The following KLHL1 variants were observed in gnomAD, a reference collection of about 807,000 sequenced individuals.
KLHL1 encodes the protein kelch-like protein 1.
In KLHL1, 47 loss-of-function variants were observed where a neutral mutation model predicts 77.7. The ratio of observed to expected loss-of-function variants is 0.60; its 90% confidence interval spans 0.48 to 0.77. KLHL1 has a LOEUF of 0.77. Ranked by LOEUF, KLHL1 falls within the 30% of genes least tolerant of loss-of-function variation. The pLI is 0.00. For synonymous variants in KLHL1, 360 were observed against 325.2 expected (o/e 1.11, Z -1.15); for missense variants, 925 against 910.8 (o/e 1.02, Z -0.20).
chr13:69,734,784 A>G (rs59717557), intron 8 of KLHL1, among the ~76,000 whole-genome samples: 7,833 of 152,200 alleles, frequency 0.051, 632 homozygotes, highest in African/African-American at 0.17. Context: ...TTAGAATATC[A>G]GTAAAATAGA....
intron 7 of KLHL1, among the ~76,000 whole-genome samples, chr13:69,742,582 A>G (rs922728151): frequency 1.3e-5 from 2 of 152,224 alleles, no homozygotes; most frequent in Non-Finnish European, 2.9e-5. Context: ...CTCCTATATC[A>G]GTCAATGAAT....
intron 2 of KLHL1, among the ~76,000 whole-genome samples, chr13:69,962,297 C>G (rs1471102466): frequency 2.0e-5 from 3 of 151,890 alleles, no homozygotes; most frequent in African/African-American, 7.3e-5. Flanking sequence ...TTGAGAAATT[C>G]ATAGATTCAT....
intron 5 of KLHL1, among the ~76,000 whole-genome samples, chr13:69,849,031 C>T (rs1338949977): frequency 6.6e-6 from 1 of 151,574 alleles, no homozygotes; most frequent in Non-Finnish European, 1.5e-5. Context: ...CCTGTATGAA[C>T]ATCGCCTTCA....
At chr13:69,992,910 T>C (rs1885060659) in intron 1 of KLHL1, among the ~76,000 whole-genome samples, 1 of 147,834 alleles carries the variant, frequency 6.8e-6, no homozygotes, top group African/African-American at 2.5e-5. Context: ...TGTATATAAA[T>C]ATGCTGCAGA....
chr13:69,849,198 T>A (rs1427854385), intron 5 of KLHL1, among the ~76,000 whole-genome samples: 1 of 151,512 alleles, frequency 6.6e-6, no homozygotes, highest in Non-Finnish European at 1.5e-5. Context: ...ACTAATCTAT[T>A]TTACTCAAGT....
intron 2 of KLHL1, among the ~76,000 whole-genome samples, chr13:69,962,796 A>C (rs1884106776): frequency 6.6e-6 from 1 of 151,960 alleles, no homozygotes; most frequent in African/African-American, 2.4e-5. Flanking sequence ...GCCTCATAAT[A>C]TGAGCTGGGA....
At chr13:69,727,787 A>G (rs943208733) in intron 8 of KLHL1, among the ~76,000 whole-genome samples, 1 of 152,158 alleles carries the variant, frequency 6.6e-6, no homozygotes, top group South Asian at 2.1e-4. Context: ...TCCTTGAGCA[A>G]TTAGAAACAA....
rs181134303 is a variant in KLHL1, at chr13:69,973,353, T to C, written c.680+2267A>G. Among the ~76,000 whole-genome samples, 800 of 151,940 alleles carry C rather than the reference T, an allele frequency of 5.3e-3. 5 individuals are homozygous for C. Among genetic ancestry groups the C allele is most frequent in the South Asian group, 0.01 (50 of 4,830 alleles). On this transcript the variant is annotated intron_variant, in intron 2 of 10. Transcript: ENST00000377844. ...CAGTTTGGAATGATGATATAATTAA[T>C]ATAAATTAAACATATATAATTATGA...
At chr13:70,071,964 A>C (rs1054877486) in intron 1 of KLHL1, among the ~76,000 whole-genome samples, 2 of 152,076 alleles carry the variant, frequency 1.3e-5, no homozygotes, top group African/African-American at 4.8e-5. Flanking sequence ...TAAAATTCAC[A>C]ACAGAAATCA....
chr13:70,090,376 G>A (rs1161409355), intron 1 of KLHL1, among the ~76,000 whole-genome samples: 1 of 151,692 alleles, frequency 6.6e-6, no homozygotes, highest in Non-Finnish European at 1.5e-5. Context: ...AACAAGACTG[G>A]GGGAAAAAGA....
intron 1 of KLHL1, among the ~76,000 whole-genome samples, chr13:69,976,313 A>T (rs1173346721): frequency 6.6e-6 from 1 of 152,064 alleles, no homozygotes; most frequent in African/African-American, 2.4e-5. Flanking sequence ...ATTTGTAAGT[A>T]AATTATTGAC....
chr13:70,086,572 CAAAAAA>C (rs1211467536), intron 1 of KLHL1, among the ~76,000 whole-genome samples: 1 of 36,748 alleles, frequency 2.7e-5, no homozygotes, highest in Non-Finnish European at 5.0e-5. Flanking sequence ...AGCTCTGTCT[CAAAAAA>C]AAAAAAAAAA....
chr13:69,970,394 C>G (rs752623081), intron 2 of KLHL1, among the ~76,000 whole-genome samples: 24 of 152,012 alleles, frequency 1.6e-4, no homozygotes, highest in Non-Finnish European at 7.4e-5. Context: ...CATTGTGTTT[C>G]TTTCTACTTT....
At chr13:69,709,112 G>A (rs1875761822) in intron 9 of KLHL1, among the ~76,000 whole-genome samples, 1 of 151,904 alleles carries the variant, frequency 6.6e-6, no homozygotes, top group Non-Finnish European at 1.5e-5. Context: ...CTGGTCGAAT[G>A]CTAGAAAACC....
At chr13:69,872,755 T>C (rs559959655) in intron 5 of KLHL1, among the ~76,000 whole-genome samples, 3 of 152,120 alleles carry the variant, frequency 2.0e-5, no homozygotes, top group East Asian at 3.9e-4. Context: ...AAAACGGGGA[T>C]TTTTTGGTAA....
chr13:70,084,299 A>G (rs1341376106), intron 1 of KLHL1, among the ~76,000 whole-genome samples: 1 of 152,144 alleles, frequency 6.6e-6, no homozygotes, highest in Non-Finnish European at 1.5e-5. Flanking sequence ...TACCCAGCAT[A>G]GGGGATGTAC....
chr13:69,876,082 A>G (rs900077760), intron 5 of KLHL1, among the ~76,000 whole-genome samples: 3 of 152,190 alleles, frequency 2.0e-5, no homozygotes. Context: ...TTGTAAAGAT[A>G]ACATACAGAA....
At chr13:69,859,308 A>G (rs1267031107) in intron 5 of KLHL1, among the ~76,000 whole-genome samples, 1 of 150,086 alleles carries the variant, frequency 6.7e-6, no homozygotes, top group Non-Finnish European at 1.5e-5. Flanking sequence ...AACTTTCTGG[A>G]ACTACATCAC....
chr13:69,934,659 A>G (rs1883111528), intron 4 of KLHL1, among the ~76,000 whole-genome samples: 1 of 151,796 alleles, frequency 6.6e-6, no homozygotes, highest in Non-Finnish European at 1.5e-5. Context: ...ATAACCCTAC[A>G]CAATTGGTTC....
Sources: gnomAD v4.1 joint callset for allele counts (sites outside exome capture counted in the v4.1 genomes callset) on GRCh38, gnomAD v4.1.1 for gene constraint, MANE v1.5 for transcripts, NCBI Gene and HGNC (gene_info 2026-07-23, HGNC 2026-07-21) for gene names.